Variants in SLC45A4 observed in about 807,000 individuals in gnomAD.
SLC45A4 encodes solute carrier family 45 member 4, also known as polyamine-transporter SLC45A4.
Under a neutral mutation model 63.7 loss-of-function variants are expected in SLC45A4, and 32 were observed. The observed-to-expected ratio is 0.50, with a 90% CI of 0.38 to 0.67. SLC45A4 has a LOEUF of 0.67. Among genes scored for constraint, SLC45A4 ranks in the 30% least tolerant of loss-of-function variants. SLC45A4 has a pLI of 0.00. For synonymous variants in SLC45A4, 535 were observed against 510.0 expected, an observed-to-expected ratio of 1.05 and a Z score of -0.66; for missense variants, 1,027 against 1,157.7, an observed-to-expected ratio of 0.89 and a Z score of 1.64.
intron 1 of SLC45A4, among the ~76,000 whole-genome samples, chr8:141,299,637 T>C (rs1563684367): frequency 6.6e-6 from 1 of 152,166 alleles, no homozygotes; most frequent in Non-Finnish European, 1.5e-5. Context: ...TTTAATGCCG[T>C]TTTACGTAAG....
At chr8:141,236,695 G>C (rs1340556788) in intron 2 of SLC45A4, among the ~76,000 whole-genome samples, 1 of 152,162 alleles carries the variant, frequency 6.6e-6, no homozygotes, top group African/African-American at 2.4e-5. Context: ...AGTAACTGCC[G>C]CATTTTATTC....
At chr8:141,301,243 A>AC (rs1337085831) in intron 1 of SLC45A4, among the ~76,000 whole-genome samples, 5 of 151,758 alleles carry the variant, frequency 3.3e-5, no homozygotes, top group African/African-American at 7.3e-5. Context: ...AACGGGCCCC[A>AC]CCCCCCAGCT....
At chr8:141,272,524 GT>G (rs1330807638) in intron 1 of SLC45A4, among the ~76,000 whole-genome samples, 2 of 152,170 alleles carry the variant, frequency 1.3e-5, no homozygotes, top group Non-Finnish European at 2.9e-5. Context: ...GAACAGGGCG[GT>G]ACCTTACAAC....
rs375645569 is a variant in SLC45A4 at position 141,303,304 on chromosome 8, G to GTTTT, written c.-401+4788_-401+4791dup. Among the ~76,000 whole-genome samples the GTTTT allele has an allele frequency of 5.3e-4, 66 of 124,656 alleles. 1 individual carries two copies. Among genetic ancestry groups the GTTTT allele is most frequent in the African/African-American group, 1.4e-3 (45 of 32,570 alleles). 81.8% of individuals were successfully genotyped at this position (124,656 alleles called of 152,430 possible). On this transcript the variant is annotated intron_variant, in intron 1 of 8. Coordinates refer to ENST00000517878, the MANE Select transcript of SLC45A4 (RefSeq NM_001286646.2). ...GTGCCATCGTGCCCGGCTAATTTTT[G>GTTTT]TTTTTTTTTTTTTTTTGGACAGGTG...
intron 1 of SLC45A4, among the ~76,000 whole-genome samples, chr8:141,275,358 G>A (rs1381155356): frequency 6.6e-6 from 1 of 152,190 alleles, no homozygotes; most frequent in Admixed American, 6.5e-5. Flanking sequence ...TGGAGTCCTG[G>A]TTAATATGTA....
chr8:141,303,696 A>G (rs996090648), intron 1 of SLC45A4, among the ~76,000 whole-genome samples: 2 of 152,218 alleles, frequency 1.3e-5, no homozygotes, highest in African/African-American at 2.4e-5. Context: ...AGCAAGTAGC[A>G]TAACAGAACC....
At chr8:141,259,534 TTGCATCTCCTCCCG>T (rs894033105) in intron 1 of SLC45A4, among the ~76,000 whole-genome samples, 3 of 151,962 alleles carry the variant, frequency 2.0e-5, no homozygotes, top group Non-Finnish European at 4.4e-5. Context: ...GCATCTCCTC[TTGCATCTCCTCCCG>T]TGCATCTCCT....
intron 1 of SLC45A4, among the ~76,000 whole-genome samples, chr8:141,281,686 C>A (rs1170862201): frequency 2.0e-5 from 3 of 152,172 alleles, no homozygotes; most frequent in Non-Finnish European, 4.4e-5. Context: ...AAACACAGGA[C>A]CATCTAGCTG....
At chr8:141,289,311 T>C (rs374388745) in intron 1 of SLC45A4, among the ~76,000 whole-genome samples, 64 of 152,308 alleles carry the variant, frequency 4.2e-4, no homozygotes, top group African/African-American at 1.5e-3. Context: ...TGAAAGACAT[T>C]AAATCCTACA....
rs988008130 is a variant in SLC45A4, at chr8:141,207,576, T to G, written c.*3996A>C. On this transcript the variant is annotated 3_prime_UTR_variant, in exon 9 of 9. Transcript: ENST00000517878. Reference sequence around the variant, plus strand: ...TCCCGTGGCCAGTTCACAATGGAACTAAATAGTTTCGTTCCGAGATGCCTG... The same window carrying G: ...TCCCGTGGCCAGTTCACAATGGAACGAAATAGTTTCGTTCCGAGATGCCTG... 4.6e-5 allele frequency: 7 copies of G among 152,270 alleles called. No individual in the cohort carries two copies. Among genetic ancestry groups the G allele is most frequent in the African/African-American group, 1.7e-4 (7 of 41,468 alleles). The allele number at this position is 152,270 out of a possible 1,614,324, so 9.4% of individuals were successfully genotyped here. A position where few individuals can be genotyped will look rare whatever the true frequency, so the allele number is the denominator to read the frequency against.
At chr8:141,243,120 A>G (rs1431162689) in intron 2 of SLC45A4, among the ~76,000 whole-genome samples, 1 of 152,206 alleles carries the variant, frequency 6.6e-6, no homozygotes, top group East Asian at 1.9e-4. Context: ...ACCACCTTGC[A>G]GCAACCTGTT....
chr8:141,258,665 T>C (rs1421368214), intron 1 of SLC45A4, among the ~76,000 whole-genome samples: 1 of 152,130 alleles, frequency 6.6e-6, no homozygotes, highest in African/African-American at 2.4e-5. Flanking sequence ...GGAGGATCGC[T>C]TGAGCCCAGG....
rs536865493 is a variant in SLC45A4, at chr8:141,228,535, C to T, written c.242-6770G>A. On this transcript the variant is annotated intron_variant, in intron 2 of 8. Transcript: ENST00000517878. ...CACTGGCCAGCTCCTCGGGCAGGCA[C>T]TCCCCGCAGCTGGAGCATGGGCTCC... is the stretch of plus-strand genomic sequence containing the variant. 2.6e-5 allele frequency: 33 copies of T among 1,283,634 alleles called. No homozygotes were observed. In the South Asian group the frequency reaches 5.8e-4, roughly 22 times the overall value. 79.5% of individuals were successfully genotyped at this position (1,283,634 alleles called of 1,614,324 possible).
At chr8:141,255,918 C>G (rs72681587) in intron 1 of SLC45A4, among the ~76,000 whole-genome samples, 8,208 of 152,026 alleles carry the variant, frequency 0.054, 239 homozygotes, top group Middle Eastern at 0.095. Context: ...GACCTTTTCT[C>G]CAGAAAAAAA....
At chr8:141,216,096 C>A (rs1826134966) in intron 6 of SLC45A4, 126 bp from the exon 7 acceptor site, 2 of 859,836 alleles carry the variant, frequency 2.3e-6, no homozygotes, top group Admixed American at 4.2e-5. Context: ...TGAACCCAGA[C>A]CTGGTCAGGC....
Position 141,211,174 on chromosome 8 carries a change from C to T in SLC45A4, c.*398G>A. ...CTTGGGAGGCAGGGCCCGCTGGGAG[C>T]TCTGCTCTCAGGAATCCCCAGCAAA... On this transcript the variant is annotated 3_prime_UTR_variant, in exon 9 of 9. Coordinates refer to ENST00000517878, the MANE Select transcript of SLC45A4 (RefSeq NM_001286646.2). 5.6e-6 allele frequency: 2 copies of T among 357,692 alleles called. No homozygotes were observed. Among genetic ancestry groups the T allele is most frequent in the Non-Finnish European group, 1.0e-5 (2 of 199,152 alleles). The allele number at this position is 357,692 out of a possible 1,614,324, so 22.2% of individuals were successfully genotyped here. A position where few individuals can be genotyped will look rare whatever the true frequency, so the allele number is the denominator to read the frequency against.
chr8:141,244,229 T>G (rs968623237), intron 2 of SLC45A4, among the ~76,000 whole-genome samples: 4 of 152,202 alleles, frequency 2.6e-5, no homozygotes, highest in Non-Finnish European at 5.9e-5. Flanking sequence ...CTGCCCTGCC[T>G]GCAGGAGGTT....
At chr8:141,281,234 G>A (rs1589847878) in intron 1 of SLC45A4, among the ~76,000 whole-genome samples, 1 of 152,226 alleles carries the variant, frequency 6.6e-6, no homozygotes, top group Non-Finnish European at 1.5e-5. Flanking sequence ...AGCTACTTGG[G>A]AGGCTGAGGT....
rs549866765 is a variant in SLC45A4, at chr8:141,211,305, C to G, written c.*267G>C. ...TGGCCTCCTAGGAGAGTCCTTCAGA[C>G]GGGACGAGCGGGGTCACATGGCTGG... On this transcript the variant is annotated 3_prime_UTR_variant, in exon 9 of 9. Coordinates refer to ENST00000517878, the MANE Select transcript of SLC45A4 (RefSeq NM_001286646.2). 2 of 1,028,562 alleles carry G rather than the reference C, an allele frequency of 1.9e-6. No individual in the cohort carries two copies. Among genetic ancestry groups the G allele is most frequent in the Non-Finnish European group, 1.3e-6 (1 of 746,628 alleles). The allele number at this position is 1,028,562 out of a possible 1,614,324, so 63.7% of individuals were successfully genotyped here. A position where few individuals can be genotyped will look rare whatever the true frequency, so the allele number is the denominator to read the frequency against.
Sources: allele counts gnomAD v4.1 joint callset (sites outside exome capture counted in the v4.1 genomes callset), GRCh38; gene constraint gnomAD v4.1.1; transcripts MANE v1.5; gene names NCBI Gene and HGNC (gene_info 2026-07-23, HGNC 2026-07-21).